IFT70A: variants seen among roughly 807,000 people sequenced by gnomAD.
The protein encoded by IFT70A is intraflagellar transport 70A.
the IFT70A span, chr2:177,618,569 G>T: frequency 3.4e-5 from 55 of 1,598,318 alleles, no homozygotes; most frequent in Non-Finnish European, 4.7e-5. Context: ...AGGCCGGCAC[G>T]GCTCCTGGGG....
the IFT70A span, chr2:177,615,435 T>A: frequency 6.6e-6 from 1 of 152,038 alleles, no homozygotes; most frequent in Non-Finnish European, 1.5e-5. Context: ...AATTATTAAT[T>A]TATGCGCAAC....
the IFT70A span, chr2:177,613,643 A>G: frequency 2.6e-5 from 4 of 152,198 alleles, no homozygotes; most frequent in African/African-American, 4.8e-5. Context: ...AGATGCCATG[A>G]GTGCTGGTGA....
At chr2:177,617,403 G>C in the IFT70A span, 18 of 1,597,572 alleles carry the variant, frequency 1.1e-5, no homozygotes, top group Non-Finnish European at 1.5e-5. Flanking sequence ...GATTCCAGTA[G>C]ATTTTTGCCT....
the IFT70A span, chr2:177,614,009 C>T: frequency 6.6e-6 from 1 of 152,062 alleles, no homozygotes; most frequent in Non-Finnish European, 1.5e-5. Flanking sequence ...ATAATTTTTC[C>T]TTATGAAGCA....
chr2:177,616,543 C>T, the IFT70A span: 2 of 606,718 alleles, frequency 3.3e-6, no homozygotes, highest in South Asian at 3.1e-5. Flanking sequence ...AGTCCCTACC[C>T]TTCTGGATTA....
chr2:177,616,953 C>A, the IFT70A span: 2 of 1,607,670 alleles, frequency 1.2e-6, no homozygotes, highest in African/African-American at 2.7e-5. Flanking sequence ...TGGCATAATA[C>A]CAGGTATCTG....
the IFT70A span, chr2:177,617,510 G>T: frequency 6.2e-7 from 1 of 1,614,130 alleles, no homozygotes; most frequent in Non-Finnish European, 8.5e-7. Context: ...CTTGCTTCCT[G>T]TACTTGCTTG....
the IFT70A span, chr2:177,616,699 CA>C: frequency 1.3e-6 from 2 of 1,489,304 alleles, no homozygotes; most frequent in Non-Finnish European, 1.8e-6. Context: ...CACTATCAGT[CA>C]TAACTACTTA....
chr2:177,617,439 C>T, the IFT70A span: 2 of 1,610,662 alleles, frequency 1.2e-6, no homozygotes, highest in African/African-American at 2.7e-5. Flanking sequence ...GAATGTATTT[C>T]TCCATGGTTT....
chr2:177,618,129 G>A, the IFT70A span: 2 of 1,614,250 alleles, frequency 1.2e-6, no homozygotes, highest in Non-Finnish European at 8.5e-7. Context: ...CCAGGTTGTA[G>A]GAAAGGTCAG....
the IFT70A span, chr2:177,614,535 A>G: frequency 1.1e-4 from 17 of 152,148 alleles, no homozygotes; most frequent in African/African-American, 4.1e-4. Context: ...GTCACTTTTT[A>G]TCAATATATG....
chr2:177,613,790 T>C, the IFT70A span: 2 of 152,212 alleles, frequency 1.3e-5, no homozygotes, highest in Admixed American at 1.3e-4. Flanking sequence ...TTTTAGCCAT[T>C]TGCTGTTTTG....
chr2:177,613,304 G>A, the IFT70A span: 1 of 152,184 alleles, frequency 6.6e-6, no homozygotes, highest in Non-Finnish European at 1.5e-5. Flanking sequence ...TAGCATATGT[G>A]AGTATGTGGT....
the IFT70A span, chr2:177,616,676 T>C: frequency 6.8e-7 from 1 of 1,462,350 alleles, no homozygotes; most frequent in Non-Finnish European, 9.0e-7. Flanking sequence ...AAGAAAGCCA[T>C]TTTGAAAAAA....
At chr2:177,616,746 T>C in the IFT70A span, 1 of 1,546,506 alleles carries the variant, frequency 6.5e-7, no homozygotes, top group Non-Finnish European at 8.7e-7. Context: ...AAGCTTTCAA[T>C]TGTCTGGACT....
At chr2:177,617,910 C>T in the IFT70A span, 3 of 1,614,206 alleles carry the variant, frequency 1.9e-6, no homozygotes, top group Admixed American at 5.0e-5. Context: ...CATAGTTTCT[C>T]AGTTGGTATT....
chr2:177,617,521 G>C, the IFT70A span: 3 of 1,614,036 alleles, frequency 1.9e-6, no homozygotes, highest in East Asian at 6.7e-5. Flanking sequence ...TACTTGCTTG[G>C]TGAGTCTCCG....
chr2:177,617,766 C>A, the IFT70A span: 3 of 1,614,158 alleles, frequency 1.9e-6, no homozygotes, highest in Non-Finnish European at 2.5e-6. Flanking sequence ...TCTGTTGGAG[C>A]AAAAACTGTA....
chr2:177,618,620 C>A, the IFT70A span: 1 of 1,609,444 alleles, frequency 6.2e-7, no homozygotes, highest in Non-Finnish European at 8.5e-7. Context: ...ACCGCCTCGG[C>A]GTAGCGGGCA....
Sources: gnomAD v4.1 joint callset for allele counts on GRCh38, gnomAD v4.1.1 for gene constraint, MANE v1.5 for transcripts, NCBI Gene and HGNC (gene_info 2026-07-23, HGNC 2026-07-21) for gene names.